COMMD10: variants seen among roughly 807,000 people sequenced by gnomAD.
COMMD10 encodes COMM domain containing 10.
A neutral mutation model predicts 28.9 loss-of-function variants in COMMD10; 33 were observed. The ratio of observed to expected loss-of-function variants is 1.14; its 90% CI spans 0.87 to 1.53. The LOEUF is 1.53. Ranked by LOEUF, COMMD10 falls within the 40% of genes most tolerant of loss-of-function variation. The pLI is 0.00. For synonymous variants in COMMD10, 110 were observed against 81.7 expected, an observed-to-expected ratio of 1.35 and a Z score of -1.87; for missense variants, 310 against 233.4, an observed-to-expected ratio of 1.33 and a Z score of -2.14.
chr5:116,186,104 T>C (rs896793725), intron 5 of COMMD10, among the ~76,000 whole-genome samples: 5 of 152,176 alleles, frequency 3.3e-5, no homozygotes, highest in Admixed American at 6.5e-5. Context: ...GTAGACTTTT[T>C]ACTGTCAACG....
chr5:116,144,757 A>T (rs1752293457), intron 5 of COMMD10, among the ~76,000 whole-genome samples: 1 of 151,838 alleles, frequency 6.6e-6, no homozygotes, highest in South Asian at 2.1e-4. Flanking sequence ...AAAGAAACCT[A>T]ATTGGGATAA....
At chr5:116,106,955 T>A (rs1483321508) in intron 4 of COMMD10, among the ~76,000 whole-genome samples, 1 of 152,200 alleles carries the variant, frequency 6.6e-6, no homozygotes, top group Non-Finnish European at 1.5e-5. Flanking sequence ...TGTCTTTTAA[T>A]TGGGGCATTT....
intron 5 of COMMD10, among the ~76,000 whole-genome samples, chr5:116,163,866 C>G (rs1228880360): frequency 6.6e-6 from 1 of 151,994 alleles, no homozygotes; most frequent in East Asian, 1.9e-4. Flanking sequence ...TACCCAGTTT[C>G]CATTTGTGTG....
chr5:116,127,920 T>TATAATA (rs1303401162), intron 4 of COMMD10, among the ~76,000 whole-genome samples: 1 of 151,762 alleles, frequency 6.6e-6, no homozygotes, highest in East Asian at 1.9e-4. Flanking sequence ...GAACTTAAAG[T>TATAATA]ATAATAATAA....
Position 116,134,088 on chromosome 5 carries a change from G to C in COMMD10, c.420G>C (p.Gln140His). The change falls in exon 5 of 7, where the codon CAG becomes CAC. Residue 140 changes from glutamine to histidine, a missense_variant. By Grantham distance (24) the Gln-to-His change is conservative. Transcript: ENST00000274458. ...APCKLETVGW[Q>H]LNLQMAHSAQ... ...TATAGCTAGAGACCGTTGGATGGCAGCTTAACCTTCAGATGGCTCACTCTG... is the reference window on the plus strand; with the variant it reads ...TATAGCTAGAGACCGTTGGATGGCACCTTAACCTTCAGATGGCTCACTCTG... The C allele has an allele frequency of 3.1e-6, 5 of 1,607,136 alleles. No individual in the cohort carries two copies. The highest frequency in any genetic ancestry group is 4.3e-6 in the Non-Finnish European group (5 of 1,173,550).
At chr5:116,205,757 A>G (rs912939760) in intron 5 of COMMD10, among the ~76,000 whole-genome samples, 3 of 152,290 alleles carry the variant, frequency 2.0e-5, no homozygotes, top group East Asian at 3.9e-4. Flanking sequence ...ATAAGTTGTT[A>G]TAACAGTTCC....
chr5:116,292,559 A>T lies in COMMD10; in HGVS notation c.*70A>T, dbSNP rs1278354704. The T allele has an allele frequency of 1.5e-6, 2 of 1,341,808 alleles. No homozygotes were observed. The highest frequency in any genetic ancestry group is 1.5e-5 in the African/African-American group (1 of 67,852). 83.1% of individuals were successfully genotyped at this position (1,341,808 alleles called of 1,614,324 possible). A position where few individuals can be genotyped will look rare whatever the true frequency, so the allele number is the denominator to read the frequency against. ...TATTTTGCATTGAAGATACATTGCC[A>T]GGTTGTGTTTTCTGAAGGATTCAGT... On this transcript the variant is annotated 3_prime_UTR_variant, in exon 7 of 7. Coordinates refer to ENST00000274458, the MANE Select transcript of COMMD10 (RefSeq NM_016144.4).
intron 5 of COMMD10, among the ~76,000 whole-genome samples, chr5:116,218,558 T>G (rs1749163686): frequency 6.6e-6 from 1 of 152,186 alleles, no homozygotes; most frequent in Non-Finnish European, 1.5e-5. Context: ...CTAAAGAAAT[T>G]TATCCAACTT....
intron 2 of COMMD10, among the ~76,000 whole-genome samples, chr5:116,088,759 C>T (rs1490670963): frequency 6.6e-6 from 1 of 152,248 alleles, no homozygotes; most frequent in Admixed American, 6.5e-5. Context: ...CAATCTCAGT[C>T]TCAGCAGTTT....
At chr5:116,170,056 T>G (rs1185164573) in intron 5 of COMMD10, among the ~76,000 whole-genome samples, 1 of 152,150 alleles carries the variant, frequency 6.6e-6, no homozygotes, top group Non-Finnish European at 1.5e-5. Flanking sequence ...ATTGTCTCTT[T>G]TTGCAGATGA....
At chr5:116,147,081 G>C (rs1752374828) in intron 5 of COMMD10, among the ~76,000 whole-genome samples, 1 of 151,726 alleles carries the variant, frequency 6.6e-6, no homozygotes, top group Admixed American at 6.6e-5. Context: ...GTCTGGTTTG[G>C]GTGTTTTCTT....
In COMMD10 at chr5:116,270,904, A is replaced by T. The variant is rs575709159; in HGVS notation, c.511-20613A>T. On this transcript the variant is annotated intron_variant, in intron 5 of 6. Transcript: ENST00000274458. Reference sequence around the variant, plus strand: ...CAGTCAGCCGAGATCACACCATTACACTCCAGCATGGGCAACGAGCAAAAC... The same window carrying T: ...CAGTCAGCCGAGATCACACCATTACTCTCCAGCATGGGCAACGAGCAAAAC... Among the ~76,000 whole-genome samples the T allele has an allele frequency of 5.3e-5, 8 of 151,820 alleles. No individual in the cohort carries two copies. The East Asian group carries it at 1.5e-3, about 29-fold the overall frequency.
intron 4 of COMMD10, among the ~76,000 whole-genome samples, chr5:116,111,817 ATGT>A (rs1183893398): frequency 6.6e-6 from 1 of 152,066 alleles, no homozygotes; most frequent in African/African-American, 2.4e-5. Context: ...TTTAAGTCTG[ATGT>A]TTGTTGATTT....
intron 5 of COMMD10, among the ~76,000 whole-genome samples, chr5:116,156,753 G>T (rs1752724387): frequency 6.6e-6 from 1 of 151,998 alleles, no homozygotes; most frequent in African/African-American, 2.4e-5. Context: ...ATTAACAAAG[G>T]GTTTTGTAGT....
chr5:116,282,182 G>A (rs1203137396), intron 5 of COMMD10, among the ~76,000 whole-genome samples: 1 of 151,794 alleles, frequency 6.6e-6, no homozygotes, highest in African/African-American at 2.4e-5. Context: ...AAACCTGAGA[G>A]TCATTTTTGA....
At chr5:116,221,421 G>A (rs992447396) in intron 5 of COMMD10, among the ~76,000 whole-genome samples, 4 of 152,046 alleles carry the variant, frequency 2.6e-5, no homozygotes, top group Admixed American at 2.0e-4. Flanking sequence ...ATATTGGTCC[G>A]TTACTGTAGA....
chr5:116,263,401 C>G (rs548060798), intron 5 of COMMD10, among the ~76,000 whole-genome samples: 21 of 151,836 alleles, frequency 1.4e-4, no homozygotes, highest in Non-Finnish European at 2.2e-4. Context: ...TATTTAACCC[C>G]AAAATATATT....
At chr5:116,190,628 C>A (rs1436576305) in intron 5 of COMMD10, among the ~76,000 whole-genome samples, 3 of 152,168 alleles carry the variant, frequency 2.0e-5, no homozygotes, top group East Asian at 1.9e-4. Context: ...GCTAAATCAT[C>A]TTGAGTTGGG....
intron 5 of COMMD10, among the ~76,000 whole-genome samples, chr5:116,168,171 AAAAG>A (rs1753196453): frequency 6.6e-6 from 1 of 151,208 alleles, no homozygotes; most frequent in Admixed American, 6.6e-5. Context: ...AAAAAAAAAA[AAAAG>A]GGATTGCAGT....
Sources: gnomAD v4.1 joint callset for allele counts (sites outside exome capture counted in the v4.1 genomes callset) on GRCh38, gnomAD v4.1.1 for gene constraint, MANE v1.5 for transcripts, NCBI Gene and HGNC (gene_info 2026-07-23, HGNC 2026-07-21) for gene names.